ALPK2: variants seen among roughly 807,000 people sequenced by gnomAD.
ALPK2 encodes alpha kinase 2, also known as alpha-protein kinase 2.
A neutral mutation model predicts 163.1 loss-of-function variants in ALPK2; 127 were observed. That is an observed-to-expected ratio of 0.78 (90% CI 0.67 to 0.90). The LOEUF is 0.90. Ranked by LOEUF, ALPK2 falls within the 40% of genes least tolerant of loss-of-function variation. The probability of loss-of-function intolerance (pLI) is 0.00; values close to 1 mark genes in which losing one functional copy is unlikely to be tolerated. For synonymous variants in ALPK2, 953 were observed against 959.1 expected (o/e 0.99, Z 0.12); for missense variants, 2,360 against 2,589.6 (o/e 0.91, Z 1.92).
chr18:58,550,570 CCTCATCTATATCAGA>C, intron 4 of ALPK2, among the ~76,000 whole-genome samples: 3 of 149,700 alleles, frequency 2.0e-5, no homozygotes, highest in Non-Finnish European at 3.0e-5. Flanking sequence ...ATGACTCTAC[CCTCATCTATATCAGA>C]TACAACCCAT....
At chr18:58,526,206 C>T (rs1182539436) in intron 6 of ALPK2, among the ~76,000 whole-genome samples, 3 of 152,180 alleles carry the variant, frequency 2.0e-5, no homozygotes, top group Non-Finnish European at 4.4e-5. Flanking sequence ...GCTGTGCAGA[C>T]AAATGCAAAA....
chr18:58,573,333 T>C (rs1434262682), intron 4 of ALPK2, among the ~76,000 whole-genome samples: 2 of 112,388 alleles, frequency 1.8e-5, no homozygotes, highest in Non-Finnish European at 4.0e-5. Flanking sequence ...TATGTATATA[T>C]GTGTATATAT....
intron 4 of ALPK2, among the ~76,000 whole-genome samples, chr18:58,571,303 G>A (rs1452289965): frequency 6.6e-6 from 1 of 151,924 alleles, no homozygotes; most frequent in African/African-American, 2.4e-5. Context: ...CTACAGGTGT[G>A]AGCCACCGCA....
rs1010907271 is a variant in ALPK2, at chr18:58,626,208, G to C, written c.-21+2556C>G. Reference sequence around the variant, plus strand: ...AAAAACAAGGGGCAACAAGAAAGATGTCTGATAAAGTTCTTGGGAGCTAGC... The same window carrying C: ...AAAAACAAGGGGCAACAAGAAAGATCTCTGATAAAGTTCTTGGGAGCTAGC... On this transcript the variant is annotated intron_variant, in intron 1 of 12. Transcript: ENST00000361673. Among the ~76,000 whole-genome samples, 22 of 152,246 alleles carry C rather than the reference G, an allele frequency of 1.4e-4. No individual in the cohort carries two copies. In the South Asian group the frequency reaches 1.5e-3, roughly 10 times the overall value.
Position 58,535,889 on chromosome 18 carries a change from C to T in ALPK2, c.4298G>A (p.Gly1433Glu), listed in dbSNP as rs771118939. 3 of 1,614,190 alleles carry T rather than the reference C, an allele frequency of 1.9e-6. No individual in the cohort carries two copies. The South Asian group carries it at 3.3e-5, about 18-fold the overall frequency. The change falls in exon 5 of 13, where the codon GGG (glycine) becomes GAG (glutamate). Residue 1433 changes from glycine (G) to glutamate (E), a missense_variant. Coordinates refer to ENST00000361673, the MANE Select transcript of ALPK2 (RefSeq NM_052947.4). ...CATGTTTCCGTCATTTGATTGACCC[C>T]CTTCTCTGGCGCCCTGTGGTGTGGT... ...SETTPQGARE[G>E]GQSNDGNMGH...
At chr18:58,521,495 A>G (rs1181842736) in intron 8 of ALPK2, among the ~76,000 whole-genome samples, 2 of 152,068 alleles carry the variant, frequency 1.3e-5, no homozygotes, top group Non-Finnish European at 2.9e-5. Context: ...ATTATAACAC[A>G]TGTATGCTAC....
chr18:58,593,384 T>C (rs1286357990), intron 3 of ALPK2, among the ~76,000 whole-genome samples: 1 of 149,364 alleles, frequency 6.7e-6, no homozygotes. Flanking sequence ...GCCAACATGG[T>C]GAAACCCCAT....
intron 1 of ALPK2, among the ~76,000 whole-genome samples, chr18:58,622,500 G>C (rs934479074): frequency 2.6e-5 from 4 of 152,150 alleles, no homozygotes; most frequent in Non-Finnish European, 5.9e-5. Context: ...CAGGTTTCTT[G>C]ACTCTGATTT....
intron 1 of ALPK2, among the ~76,000 whole-genome samples, chr18:58,613,339 A>G (rs562266803): frequency 6.6e-6 from 1 of 152,140 alleles, no homozygotes; most frequent in African/African-American, 2.4e-5. Flanking sequence ...GATGAAAATG[A>G]GGGGTTCTTT....
intron 11 of ALPK2, among the ~76,000 whole-genome samples, chr18:58,499,028 G>A (rs1457929841): frequency 2.0e-5 from 3 of 152,156 alleles, no homozygotes; most frequent in African/African-American, 7.2e-5. Flanking sequence ...GGTTTTCTGG[G>A]TGGTCAGTGT....
intron 4 of ALPK2, among the ~76,000 whole-genome samples, chr18:58,559,351 G>A (rs2051812450): frequency 6.6e-6 from 1 of 152,152 alleles, no homozygotes; most frequent in Non-Finnish European, 1.5e-5. Flanking sequence ...ATTGTAGTGT[G>A]GAGGTTGAGA....
intron 4 of ALPK2, 71 bp downstream of exon 4, chr18:58,578,743 C>CGCGCGT: frequency 7.6e-7 from 1 of 1,311,916 alleles, no homozygotes; most frequent in Non-Finnish European, 1.0e-6. Context: ...GACACACACA[C>CGCGCGT]ACACACACAC....
At chr18:58,586,733 T>G (rs1209915192) in intron 3 of ALPK2, among the ~76,000 whole-genome samples, 1 of 150,110 alleles carries the variant, frequency 6.7e-6, no homozygotes, top group East Asian at 2.0e-4. Flanking sequence ...CAAAAATATC[T>G]TTTTCCCTAG....
At chr18:58,541,720 G>T (rs1050167379) in intron 4 of ALPK2, among the ~76,000 whole-genome samples, 7 of 152,200 alleles carry the variant, frequency 4.6e-5, no homozygotes, top group African/African-American at 1.7e-4. Context: ...CGTACAACTG[G>T]CCCGCTGCTG....
intron 4 of ALPK2, among the ~76,000 whole-genome samples, chr18:58,557,344 A>G (rs918511316): frequency 2.0e-5 from 3 of 151,904 alleles, no homozygotes; most frequent in African/African-American, 7.3e-5. Flanking sequence ...ATGGTGGGGG[A>G]GGCGTGTCAT....
chr18:58,567,469 G>A (rs2051861952), intron 4 of ALPK2, among the ~76,000 whole-genome samples: 1 of 152,158 alleles, frequency 6.6e-6, no homozygotes, highest in African/African-American at 2.4e-5. Context: ...CTCATCAGGT[G>A]ATTCCAATGC....
rs2051945220 is a variant in ALPK2 at position 58,579,663 on chromosome 18, C to T, written c.1113G>A (p.Leu371=). Residue 371 remains leucine, a synonymous_variant, in exon 4 of 13, where the codon CTG becomes CTA. Transcript: ENST00000361673. The stretch of plus-strand genomic sequence containing the variant: ...CACTGAGGAAATGCTCACACCCACC[C>T]AGGCAATGCTCACCGAATTCCATCT... ...DEEMEFGEHC[L]GGCEHFLSGM... 2 of 1,614,136 alleles carry T rather than the reference C, an allele frequency of 1.2e-6. No individual in the cohort carries two copies. The highest frequency in any genetic ancestry group is 1.7e-6 in the Non-Finnish European group (2 of 1,180,016).
intron 4 of ALPK2, 58 bp downstream of exon 4, chr18:58,578,756 A>G (rs970082101): frequency 4.4e-3 from 5,425 of 1,230,272 alleles, no homozygotes; most frequent in Non-Finnish European, 5.2e-3. Flanking sequence ...ACACACACAC[A>G]CACACACACA....
intron 3 of ALPK2, among the ~76,000 whole-genome samples, chr18:58,598,144 G>A (rs1028918981): frequency 4.6e-5 from 7 of 152,226 alleles, no homozygotes; most frequent in East Asian, 1.9e-4. Context: ...CCCCTCTCAC[G>A]GACCACGCCC....
Sources: gnomAD v4.1 joint callset for allele counts (sites outside exome capture counted in the v4.1 genomes callset) on GRCh38, gnomAD v4.1.1 for gene constraint, MANE v1.5 for transcripts, NCBI Gene and HGNC (gene_info 2026-07-23, HGNC 2026-07-21) for gene names.